The following GRM7 variants were observed in gnomAD, a reference collection of about 807,000 sequenced individuals.
The protein encoded by GRM7 is glutamate metabotropic receptor 7.
GRM7 carries 35 observed loss-of-function variants against 84.5 expected under a neutral mutation model. That is an observed-to-expected ratio of 0.41 (90% CI 0.32 to 0.55). GRM7 has a LOEUF of 0.55. Among genes scored for constraint, GRM7 ranks in the 20% least tolerant of loss-of-function variants. GRM7 has a pLI of 0.19. For synonymous variants in GRM7, 487 were observed against 455.1 expected (o/e 1.07, Z -0.89); for missense variants, 1,003 against 1,194.6 (o/e 0.84, Z 2.36).
intron 4 of GRM7, among the ~76,000 whole-genome samples, chr3:7,356,680 C>A (rs6779412): frequency 0.082 from 12,517 of 152,062 alleles, 647 homozygotes; most frequent in African/African-American, 0.15. Flanking sequence ...CCCCAGCCAT[C>A]CATGTTATCA....
intron 7 of GRM7, among the ~76,000 whole-genome samples, chr3:7,489,681 TTACAA>T (rs1479905294): frequency 2.0e-5 from 3 of 152,112 alleles, no homozygotes; most frequent in Non-Finnish European, 4.4e-5. Context: ...ATAATATTGC[TTACAA>T]TACAATATTA....
At chr3:7,638,944 G>C (rs1698233980) in intron 8 of GRM7, among the ~76,000 whole-genome samples, 1 of 152,324 alleles carries the variant, frequency 6.6e-6, no homozygotes, top group South Asian at 2.1e-4. Flanking sequence ...TGTTGAATAT[G>C]TGTCCAAAAT....
At chr3:7,280,841 CCTT>C (rs1302345863) in intron 2 of GRM7, among the ~76,000 whole-genome samples, 4 of 152,128 alleles carry the variant, frequency 2.6e-5, no homozygotes, top group African/African-American at 4.8e-5. Flanking sequence ...ATTTCTATCT[CCTT>C]CTTTAAAGAC....
chr3:7,121,195 T>C (rs2125043794), intron 1 of GRM7, among the ~76,000 whole-genome samples: 1 of 152,316 alleles, frequency 6.6e-6, no homozygotes, highest in Non-Finnish European at 1.5e-5. Flanking sequence ...TGTATCCTCC[T>C]ACGGCAGATT....
At chr3:7,457,324 G>A (rs1698059667) in intron 6 of GRM7, among the ~76,000 whole-genome samples, 1 of 152,134 alleles carries the variant, frequency 6.6e-6, no homozygotes, top group South Asian at 2.1e-4. Context: ...TATGCATTGA[G>A]GAAAGAAATG....
chr3:7,479,336 G>A (rs73015595), intron 7 of GRM7, among the ~76,000 whole-genome samples: 6,483 of 151,884 alleles, frequency 0.043, 225 homozygotes, highest in South Asian at 0.14. Flanking sequence ...ACTGTTTGAG[G>A]GATACTCCTT....
intron 4 of GRM7, among the ~76,000 whole-genome samples, chr3:7,398,468 T>C (rs543056975): frequency 1.3e-5 from 2 of 152,254 alleles, no homozygotes; most frequent in East Asian, 3.9e-4. Context: ...AGTTTAGATC[T>C]GATAATGCAA....
chr3:7,156,764 A>G (rs1037718633), intron 2 of GRM7, among the ~76,000 whole-genome samples: 1 of 152,152 alleles, frequency 6.6e-6, no homozygotes, highest in Admixed American at 6.6e-5. Flanking sequence ...AACTGGTACT[A>G]TGCATCACAA....
chr3:7,419,015 G>A (rs1204554807), intron 5 of GRM7, among the ~76,000 whole-genome samples: 2 of 152,070 alleles, frequency 1.3e-5, no homozygotes, highest in Non-Finnish European at 2.9e-5. Context: ...GCACATAGTC[G>A]TAGCTAACAA....
intron 2 of GRM7, among the ~76,000 whole-genome samples, chr3:7,275,069 C>G (rs1699004154): frequency 6.6e-6 from 1 of 152,094 alleles, no homozygotes; most frequent in Non-Finnish European, 1.5e-5. Flanking sequence ...TCAGCCACTT[C>G]CAGTCTACTA....
At chr3:7,334,401 G>A (rs1701322797) in intron 4 of GRM7, among the ~76,000 whole-genome samples, 1 of 151,866 alleles carries the variant, frequency 6.6e-6, no homozygotes, top group Non-Finnish European at 1.5e-5. Context: ...CTACTAAAAA[G>A]GGTTCTAAAT....
At chr3:7,631,628 C>T (rs1470115455) in intron 8 of GRM7, among the ~76,000 whole-genome samples, 1 of 152,046 alleles carries the variant, frequency 6.6e-6, no homozygotes, top group Non-Finnish European at 1.5e-5. Context: ...GCACTATTGA[C>T]ATTTTGCTCC....
chr3:7,335,579 T>C (rs143526026), intron 4 of GRM7, among the ~76,000 whole-genome samples: 11,331 of 151,636 alleles, frequency 0.075, 439 homozygotes, highest in African/African-American at 0.093. Context: ...CTAAATGAAA[T>C]TGAAACAAAA....
At position 7,071,164 on chromosome 3, in the gene GRM7, C is replaced by G. The variant is rs1697867227; in HGVS notation, c.520-75288C>G. 4.6e-5 allele frequency among the ~76,000 whole-genome samples: 7 copies of G among 152,162 alleles called. No individual in the cohort carries two copies. The South Asian group carries it at 1.5e-3, about 32-fold the overall frequency. On this transcript the variant is annotated intron_variant, in intron 1 of 9. Transcript: ENST00000357716. ...GATGGTGGCTTTCTTCTGTTTGATT[C>G]TTACCTAACCCAATTTTTCTGTGAA...
At chr3:7,553,226 A>T (rs1454093844) in intron 7 of GRM7, among the ~76,000 whole-genome samples, 1 of 152,172 alleles carries the variant, frequency 6.6e-6, no homozygotes, top group African/African-American at 2.4e-5. Flanking sequence ...TCCAATTCCC[A>T]ACAAGTTCCT....
chr3:7,088,011 C>A lies in GRM7; in HGVS notation c.520-58441C>A, dbSNP rs142915975. ...CTGCTTATAACTGTGAATCACTGGG[C>A]AAAGTAGCCAACATTTCTGAACCTC... On this transcript the variant is annotated intron_variant, in intron 1 of 9. Transcript: ENST00000357716. Among the ~76,000 whole-genome samples the A allele has an allele frequency of 3.0e-4, 45 of 152,268 alleles. No homozygotes were observed. In the East Asian group the frequency reaches 7.5e-3, roughly 26 times the overall value.
At chr3:6,902,508 C>T (rs931596776) in intron 1 of GRM7, among the ~76,000 whole-genome samples, 1 of 151,976 alleles carries the variant, frequency 6.6e-6, no homozygotes, top group African/African-American at 2.4e-5. Flanking sequence ...ATAAGTTTAA[C>T]GTTTAGAACT....
chr3:7,585,957 CTCT>C (rs1181698254), intron 8 of GRM7, among the ~76,000 whole-genome samples: 1 of 152,194 alleles, frequency 6.6e-6, no homozygotes, highest in Non-Finnish European at 1.5e-5. Context: ...CATTTACCCT[CTCT>C]TCTTCTGGTC....
intron 1 of GRM7, among the ~76,000 whole-genome samples, chr3:7,030,272 G>T (rs891414826): frequency 6.6e-6 from 1 of 152,190 alleles, no homozygotes; most frequent in African/African-American, 2.4e-5. Flanking sequence ...GCAGTTCGAT[G>T]GTGGCTTGTA....
Sources: gnomAD v4.1 joint callset for allele counts (sites outside exome capture counted in the v4.1 genomes callset) on GRCh38, gnomAD v4.1.1 for gene constraint, MANE v1.5 for transcripts, NCBI Gene and HGNC (gene_info 2026-07-23, HGNC 2026-07-21) for gene names.